Variants in LDLRAD3 observed in about 807,000 individuals in gnomAD.
The protein encoded by LDLRAD3 is low density lipoprotein receptor class A domain containing 3.
In LDLRAD3, 20 loss-of-function variants were observed where a neutral mutation model predicts 29.4. The ratio of observed to expected loss-of-function variants is 0.68; its 90% CI spans 0.48 to 0.99. LDLRAD3 has a LOEUF of 0.99. LDLRAD3 is among the 50% of genes least tolerant of loss of function. The pLI is 0.00. For missense variants in LDLRAD3, 420 were observed against 454.3 expected (o/e 0.92, Z 0.69); for synonymous variants, 157 against 192.7 (o/e 0.81, Z 1.53).
intron 2 of LDLRAD3, among the ~76,000 whole-genome samples, chr11:36,059,870 G>A (rs970061781): frequency 1.3e-5 from 2 of 152,198 alleles, no homozygotes; most frequent in African/African-American, 2.4e-5. Flanking sequence ...CCCATGCTTA[G>A]CACAATGCCT....
chr11:36,098,905 G>C (rs1853404701), intron 4 of LDLRAD3, among the ~76,000 whole-genome samples: 1 of 151,878 alleles, frequency 6.6e-6, no homozygotes, highest in Non-Finnish European at 1.5e-5. Flanking sequence ...TCTTTTTTAA[G>C]TTTACATTGC....
chr11:35,944,612 T>C lies in LDLRAD3; in HGVS notation c.46+468T>C, dbSNP rs1281071019. Among the ~76,000 whole-genome samples the C allele has an allele frequency of 2.0e-5, 3 of 152,152 alleles. No individual in the cohort carries two copies. The highest frequency in any genetic ancestry group is 4.4e-5 in the Non-Finnish European group (3 of 68,010). The stretch of plus-strand genomic sequence containing the variant: ...TCCCGAGTCTCTGGCGTGCACTCCG[T>C]GCCTCAGTTTCCCCACCTGCACCGC... On this transcript the variant is annotated intron_variant, in intron 1 of 5. Transcript: ENST00000315571. This position sits in a 1 kb window ranked among gnomAD's most constrained non-coding sequence, Gnocchi z 4.9.
At chr11:36,068,360 C>G (rs1416842899) in intron 2 of LDLRAD3, among the ~76,000 whole-genome samples, 1 of 152,176 alleles carries the variant, frequency 6.6e-6, no homozygotes, top group Admixed American at 6.5e-5. Context: ...GCTGTATTCT[C>G]TACATGCAAA....
At chr11:36,069,500 G>A (rs1438496295) in intron 2 of LDLRAD3, among the ~76,000 whole-genome samples, 1 of 152,152 alleles carries the variant, frequency 6.6e-6, no homozygotes, top group Non-Finnish European at 1.5e-5. Context: ...AGCTGTGCAT[G>A]TTGATTCAAA....
chr11:36,220,212 ATGAC>A (rs1457003110), intron 4 of LDLRAD3, among the ~76,000 whole-genome samples: 1 of 152,214 alleles, frequency 6.6e-6, no homozygotes, highest in Non-Finnish European at 1.5e-5. Flanking sequence ...AGGACACAGG[ATGAC>A]TGACAGTTTC....
At chr11:36,112,257 A>G (rs1853616460) in intron 4 of LDLRAD3, among the ~76,000 whole-genome samples, 1 of 152,160 alleles carries the variant, frequency 6.6e-6, no homozygotes, top group Non-Finnish European at 1.5e-5. Context: ...TGCAGAGCAC[A>G]TTGCTAGGTG....
chr11:36,113,074 A>G (rs1403475654), intron 4 of LDLRAD3, among the ~76,000 whole-genome samples: 2 of 152,174 alleles, frequency 1.3e-5, no homozygotes, highest in African/African-American at 4.8e-5. Flanking sequence ...AAAGACAGAT[A>G]TGTGCACATC....
chr11:36,008,456 G>T (rs571836636), intron 1 of LDLRAD3, among the ~76,000 whole-genome samples: 1 of 152,162 alleles, frequency 6.6e-6, no homozygotes, highest in Non-Finnish European at 1.5e-5. Context: ...AGAATCTGGG[G>T]AGAGGGATCC....
At chr11:36,035,272 C>T (rs1163883223) in intron 1 of LDLRAD3, among the ~76,000 whole-genome samples, 1 of 151,486 alleles carries the variant, frequency 6.6e-6, no homozygotes, top group Non-Finnish European at 1.5e-5. Context: ...CTGGTCAGAT[C>T]GATCAGATCC....
At chr11:35,946,520 T>A (rs918606707) in intron 1 of LDLRAD3, among the ~76,000 whole-genome samples, 3 of 152,230 alleles carry the variant, frequency 2.0e-5, no homozygotes, top group African/African-American at 7.2e-5. Flanking sequence ...TCACCGTTAC[T>A]ATTTTTTAAT....
chr11:36,108,649 C>T (rs986147096), intron 4 of LDLRAD3, among the ~76,000 whole-genome samples: 20 of 152,038 alleles, frequency 1.3e-4, no homozygotes, highest in South Asian at 6.2e-4. Context: ...GGAGGGTCAG[C>T]GGAGAAGGAT....
chr11:36,191,574 C>CTATATATATATA (rs1242651513), intron 4 of LDLRAD3, among the ~76,000 whole-genome samples: 4 of 67,854 alleles, frequency 5.9e-5, no homozygotes, highest in Non-Finnish European at 8.2e-5. Flanking sequence ...CTCTCTCTCT[C>CTATATATATATA]TCTATATATA....
At chr11:36,141,823 AG>A (rs1854091289) in intron 4 of LDLRAD3, among the ~76,000 whole-genome samples, 1 of 152,218 alleles carries the variant, frequency 6.6e-6, no homozygotes, top group South Asian at 2.1e-4. Context: ...CCAGGGTCAC[AG>A]GAAGTCAGCA....
chr11:35,981,845 G>T (rs184690709), intron 1 of LDLRAD3, among the ~76,000 whole-genome samples: 1 of 152,188 alleles, frequency 6.6e-6, no homozygotes, highest in Admixed American at 6.5e-5. Flanking sequence ...GGTGCTTGAG[G>T]CATGCTTTTG....
Position 35,972,118 on chromosome 11 carries a change from G to T in LDLRAD3, c.46+27974G>T, listed in dbSNP as rs796628497. On this transcript the variant is annotated intron_variant, in intron 1 of 5. Coordinates refer to ENST00000315571, the MANE Select transcript of LDLRAD3 (RefSeq NM_174902.4). ...GTACTGGCATCTAGATGACCACTCA[G>T]CTGTGGGTACCAATGAGGAGGAGGA... Among the ~76,000 whole-genome samples, 10 of 152,230 alleles carry T rather than the reference G, an allele frequency of 6.6e-5. 1 individual carries two copies. The highest frequency in any genetic ancestry group is 2.4e-4 in the African/African-American group (10 of 41,542).
At chr11:36,053,677 T>C (rs1852562893) in intron 2 of LDLRAD3, among the ~76,000 whole-genome samples, 1 of 152,220 alleles carries the variant, frequency 6.6e-6, no homozygotes, top group Admixed American at 6.5e-5. Flanking sequence ...CCTCTTCCCG[T>C]GACCCCAGAA....
chr11:36,141,803 G>A (rs955906047), intron 4 of LDLRAD3, among the ~76,000 whole-genome samples: 3 of 152,226 alleles, frequency 2.0e-5, no homozygotes, highest in Admixed American at 1.3e-4. Context: ...GAGGTAGCTG[G>A]CTGGAGCAGC....
chr11:36,182,053 C>T (rs1172694126), intron 4 of LDLRAD3, among the ~76,000 whole-genome samples: 3 of 152,220 alleles, frequency 2.0e-5, no homozygotes, highest in Non-Finnish European at 2.9e-5. Context: ...CCCTCCCTCT[C>T]TGACTTTGGC....
rs568276240 is a variant in LDLRAD3, at chr11:36,073,631, T to G, written c.194-8022T>G. Among the ~76,000 whole-genome samples the G allele has an allele frequency of 3.3e-5, 5 of 152,388 alleles. 1 individual carries two copies. The highest frequency in any genetic ancestry group is 1.2e-4 in the African/African-American group (5 of 41,598). On this transcript the variant is annotated intron_variant, in intron 2 of 5. Transcript: ENST00000315571. ...GGCACTCGGCTGGTTGCCTGTGATC[T>G]GCTTTGCAGGCATGTGATGATGCAA...
Sources: allele counts gnomAD v4.1 joint callset (sites outside exome capture counted in the v4.1 genomes callset), GRCh38; gene constraint gnomAD v4.1.1; non-coding constraint Gnocchi (gnomAD v3.1); transcripts MANE v1.5; gene names NCBI Gene and HGNC (gene_info 2026-07-23, HGNC 2026-07-21).